STK39: variants seen among roughly 807,000 people sequenced by gnomAD.
The protein encoded by STK39 is STE20/SPS1-related proline-alanine-rich protein kinase.
STK39 carries 20 observed loss-of-function variants against 77.8 expected under a neutral mutation model. That is an observed-to-expected ratio of 0.26 (90% CI 0.18 to 0.37). STK39 has a LOEUF of 0.37. Among genes scored for constraint, STK39 ranks in the 10% least tolerant of loss-of-function variants. The pLI is 1.00. For synonymous variants in STK39, 246 were observed against 234.1 expected, an observed-to-expected ratio of 1.05 and a Z score of -0.47; for missense variants, 479 against 656.5, an observed-to-expected ratio of 0.73 and a Z score of 2.95.
intron 10 of STK39, among the ~76,000 whole-genome samples, chr2:168,094,596 GC>G (rs1372116095): frequency 6.6e-6 from 1 of 152,072 alleles, no homozygotes; most frequent in African/African-American, 2.4e-5. Flanking sequence ...TCACCTCTCT[GC>G]AGCATTCAGA....
intron 17 of STK39, among the ~76,000 whole-genome samples, chr2:167,958,101 G>A (rs1691836341): frequency 6.6e-6 from 1 of 152,196 alleles, no homozygotes. Flanking sequence ...TTCAGAGAAA[G>A]GAACCAATGA....
Position 168,106,714 on chromosome 2 carries a change from C to T in STK39, c.1089+22827G>A, listed in dbSNP as rs1686983494. Among the ~76,000 whole-genome samples, 3 of 152,202 alleles carry T rather than the reference C, an allele frequency of 2.0e-5. No homozygotes were observed. The South Asian group carries it at 6.2e-4, about 32-fold the overall frequency. Reference sequence around the variant, plus strand: ...GTGCGCATCTGTAGTCTCAGCTACTCTGGAGACTGAGGTGGAAGGGTGGTT... The same window carrying T: ...GTGCGCATCTGTAGTCTCAGCTACTTTGGAGACTGAGGTGGAAGGGTGGTT... On this transcript the variant is annotated intron_variant, in intron 10 of 17. Transcript: ENST00000355999.
intron 10 of STK39, among the ~76,000 whole-genome samples, chr2:168,104,483 C>T (rs979237380): frequency 6.6e-6 from 1 of 152,118 alleles, no homozygotes; most frequent in African/African-American, 2.4e-5. Flanking sequence ...GCAACAGGAA[C>T]TGTGAAGGTG....
chr2:168,148,441 G>T (rs1021161234), intron 5 of STK39, among the ~76,000 whole-genome samples: 4 of 152,174 alleles, frequency 2.6e-5, no homozygotes, highest in African/African-American at 9.7e-5. Context: ...CTCAAAGGAG[G>T]CAGAGGGATA....
Position 168,084,870 on chromosome 2 carries a change from G to A in STK39, c.1090-9639C>T, listed in dbSNP as rs531567156. On this transcript the variant is annotated intron_variant, in intron 10 of 17. Transcript: ENST00000355999. ...TTTTAAGAATTCAGAAAGGTCTAAGGTGGTGCCTTGTAGACACCTTCAAAC... is the reference window on the plus strand; with the variant it reads ...TTTTAAGAATTCAGAAAGGTCTAAGATGGTGCCTTGTAGACACCTTCAAAC... Among the ~76,000 whole-genome samples, 462 of 152,296 alleles carry A rather than the reference G, an allele frequency of 3.0e-3. 3 individuals carry two copies. The highest frequency in any genetic ancestry group is 0.01 in the Middle Eastern group (3 of 294).
intron 17 of STK39, among the ~76,000 whole-genome samples, chr2:167,962,483 G>A (rs1391476821): frequency 5.3e-5 from 8 of 152,158 alleles, no homozygotes; most frequent in African/African-American, 1.9e-4. Flanking sequence ...GGTCCCTCCT[G>A]AGTTTGGTTT....
chr2:168,137,824 T>C (rs1351741989), intron 8 of STK39, among the ~76,000 whole-genome samples: 1 of 152,242 alleles, frequency 6.6e-6, no homozygotes, highest in South Asian at 2.1e-4. Flanking sequence ...TTTCCTTTGA[T>C]GACAGAGCCC....
At chr2:168,129,922 C>A (rs193254208) in intron 8 of STK39, among the ~76,000 whole-genome samples, 164 bp from the exon 9 acceptor site, 2 of 152,040 alleles carry the variant, frequency 1.3e-5, no homozygotes, top group African/African-American at 4.8e-5. Context: ...AAAATAGTGC[C>A]AATTTTCCAG....
intron 1 of STK39, among the ~76,000 whole-genome samples, chr2:168,187,512 T>C (rs528235334): frequency 6.6e-6 from 1 of 152,196 alleles, no homozygotes; most frequent in East Asian, 1.9e-4. Flanking sequence ...GCTACTTCAC[T>C]CATAGAGTGG....
At chr2:168,240,762 C>T (rs1558892672) in intron 1 of STK39, among the ~76,000 whole-genome samples, 1 of 152,164 alleles carries the variant, frequency 6.6e-6, no homozygotes, top group Non-Finnish European at 1.5e-5. Context: ...TCAGGAAGAC[C>T]CTCAGCATTT....
chr2:168,187,102 C>A (rs536216207), intron 1 of STK39, among the ~76,000 whole-genome samples: 1 of 152,290 alleles, frequency 6.6e-6, no homozygotes, highest in South Asian at 2.1e-4. Context: ...CCTGTAATCC[C>A]AGCACTTTGG....
At chr2:168,232,543 T>C (rs563589983) in intron 1 of STK39, among the ~76,000 whole-genome samples, 21 of 152,324 alleles carry the variant, frequency 1.4e-4, no homozygotes, top group African/African-American at 4.8e-4. Context: ...ATTATCCTCC[T>C]TTTCCATAAA....
intron 1 of STK39, among the ~76,000 whole-genome samples, chr2:168,213,618 G>A (rs895004750): frequency 1.3e-5 from 2 of 151,232 alleles, no homozygotes; most frequent in African/African-American, 4.9e-5. Flanking sequence ...CCCAGGAGGT[G>A]GAGGTTGCAG....
chr2:168,048,670 C>G (rs1464015261), intron 14 of STK39, among the ~76,000 whole-genome samples: 1 of 152,210 alleles, frequency 6.6e-6, no homozygotes, highest in Non-Finnish European at 1.5e-5. Context: ...AACCGAACCA[C>G]TCAAGCCTCC....
intron 14 of STK39, among the ~76,000 whole-genome samples, chr2:168,029,177 G>A (rs1431592486): frequency 6.6e-6 from 1 of 152,104 alleles, no homozygotes; most frequent in African/African-American, 2.4e-5. Flanking sequence ...TAATTAAAAG[G>A]AATGCAGAAA....
intron 14 of STK39, among the ~76,000 whole-genome samples, chr2:168,042,577 C>CTTTTTTTTTTTTTTTTTTTT (rs540413448): frequency 3.0e-5 from 4 of 133,046 alleles, no homozygotes; most frequent in Non-Finnish European, 1.6e-5. Flanking sequence ...TTCCTTCCTT[C>CTTTTTTTTTTTTTTTTTTTT]TTTTTTTTTT....
chr2:168,118,761 A>C (rs1370673121), intron 10 of STK39, among the ~76,000 whole-genome samples: 2 of 152,186 alleles, frequency 1.3e-5, no homozygotes, highest in Non-Finnish European at 2.9e-5. Flanking sequence ...GAGCAAAAGG[A>C]AAAAATCTAC....
At chr2:168,025,312 T>C (rs940944753) in intron 14 of STK39, among the ~76,000 whole-genome samples, 7 of 152,304 alleles carry the variant, frequency 4.6e-5, no homozygotes, top group African/African-American at 1.7e-4. Flanking sequence ...AGGCACAGCA[T>C]CTCCAAAACG....
chr2:168,121,285 C>G (rs1687398847), intron 10 of STK39, among the ~76,000 whole-genome samples: 1 of 152,190 alleles, frequency 6.6e-6, no homozygotes, highest in South Asian at 2.1e-4. Flanking sequence ...ACAGTAACAC[C>G]TGCTCTACCT....
Sources: allele counts gnomAD v4.1 joint callset (sites outside exome capture counted in the v4.1 genomes callset), GRCh38; gene constraint gnomAD v4.1.1; transcripts MANE v1.5; gene names NCBI Gene and HGNC (gene_info 2026-07-23, HGNC 2026-07-21).